The following FRMD4A variants were observed in gnomAD, a reference collection of about 807,000 sequenced individuals.
The protein encoded by FRMD4A is FERM domain containing 4A, also known as FERM domain-containing protein 4A.
FRMD4A carries 29 observed loss-of-function variants against 129.1 expected under a neutral mutation model. The ratio of observed to expected loss-of-function variants is 0.22; its 90% CI spans 0.17 to 0.31. The LOEUF (loss-of-function observed/expected upper bound fraction) is 0.31, where lower values mean the gene tolerates loss of function less well. FRMD4A is among the 10% of genes least tolerant of loss of function. The probability of loss-of-function intolerance (pLI) is 1.00; values close to 1 mark genes in which losing one functional copy is unlikely to be tolerated. For synonymous variants in FRMD4A, 634 were observed against 571.6 expected (o/e 1.11, Z -1.56); for missense variants, 1,272 against 1,375.8 (o/e 0.92, Z 1.19).
At chr10:14,027,734 G>A (rs1265248531) in intron 2 of FRMD4A, among the ~76,000 whole-genome samples, 1 of 152,254 alleles carries the variant, frequency 6.6e-6, no homozygotes, top group African/African-American at 2.4e-5. Flanking sequence ...GGCAGAGTGT[G>A]TGGTTCTTAC....
At chr10:13,743,184 G>T (rs2091105559) in intron 9 of FRMD4A, among the ~76,000 whole-genome samples, 1 of 152,062 alleles carries the variant, frequency 6.6e-6, no homozygotes, top group Non-Finnish European at 1.5e-5. Flanking sequence ...TCTCTCCTTG[G>T]CTCCCACATG....
intron 8 of FRMD4A, among the ~76,000 whole-genome samples, chr10:13,749,136 T>G (rs1199225467): frequency 3.3e-5 from 5 of 152,158 alleles, no homozygotes; most frequent in African/African-American, 4.8e-5. Flanking sequence ...GTTTTGATAC[T>G]GAAAGAGCGT....
At chr10:13,755,249 G>C (rs2091811385) in intron 8 of FRMD4A, among the ~76,000 whole-genome samples, 2 of 152,116 alleles carry the variant, frequency 1.3e-5, no homozygotes, top group Admixed American at 1.3e-4. Context: ...CTTCCCAAAA[G>C]GCACCCTCTG....
At chr10:13,695,974 G>T (rs1451071694) in intron 14 of FRMD4A, among the ~76,000 whole-genome samples, 1 of 152,228 alleles carries the variant, frequency 6.6e-6, no homozygotes, top group Non-Finnish European at 1.5e-5. Flanking sequence ...AAGTCTGCGG[G>T]CTGGAGGAAA....
intron 2 of FRMD4A, among the ~76,000 whole-genome samples, chr10:13,949,565 G>A (rs1337904383): frequency 6.6e-6 from 1 of 152,190 alleles, no homozygotes; most frequent in African/African-American, 2.4e-5. Flanking sequence ...TTTTGTTCTT[G>A]TAGCTCCACA....
chr10:14,279,171 G>A (rs1387987381), intron 2 of FRMD4A, among the ~76,000 whole-genome samples: 1 of 148,826 alleles, frequency 6.7e-6, no homozygotes, highest in Non-Finnish European at 1.5e-5. Context: ...TGCCCCTGAG[G>A]AGGAAGCGGG....
chr10:13,781,393 T>TC (rs1554894318), intron 6 of FRMD4A, among the ~76,000 whole-genome samples: 74 of 99,850 alleles, frequency 7.4e-4, no homozygotes, highest in African/African-American at 2.6e-3. Flanking sequence ...TTTTTTTTTT[T>TC]CTGAGACAGA....
intron 2 of FRMD4A, among the ~76,000 whole-genome samples, chr10:13,925,062 T>TAAAAAAAAAAAAAA (rs57484737): frequency 9.7e-6 from 1 of 103,236 alleles, no homozygotes; most frequent in African/African-American, 3.8e-5. Context: ...AGACTCCGTG[T>TAAAAAAAAAAAAAA]AAAAAAAAAA....
chr10:13,792,222 T>A (rs2093017693), intron 5 of FRMD4A, among the ~76,000 whole-genome samples: 1 of 152,234 alleles, frequency 6.6e-6, no homozygotes, highest in South Asian at 2.1e-4. Context: ...CTGAACACCA[T>A]CTTTGCAGGA....
intron 2 of FRMD4A, among the ~76,000 whole-genome samples, chr10:14,234,571 A>G (rs1330718004): frequency 6.6e-6 from 1 of 152,222 alleles, no homozygotes; most frequent in Non-Finnish European, 1.5e-5. Flanking sequence ...GGAATTCGGC[A>G]TTCTGAAGAC....
intron 2 of FRMD4A, among the ~76,000 whole-genome samples, chr10:14,000,734 T>G (rs564885781): frequency 1.1e-4 from 16 of 150,760 alleles, no homozygotes; most frequent in Non-Finnish European, 1.8e-4. Context: ...ATTTGCAATA[T>G]GGCAGATTGA....
intron 12 of FRMD4A, chr10:13,711,782 T>C (rs2088046895): frequency 6.6e-6 from 1 of 152,230 alleles, no homozygotes; most frequent in Non-Finnish European, 1.5e-5. Flanking sequence ...GTGGGAAATT[T>C]ACTTCTTGGG....
At chr10:14,202,030 C>G (rs768899634) in intron 2 of FRMD4A, among the ~76,000 whole-genome samples, 48 of 151,712 alleles carry the variant, frequency 3.2e-4, no homozygotes, top group Non-Finnish European at 6.3e-4. Flanking sequence ...CCCAGCTACT[C>G]GGGAGGCTGA....
Position 14,312,477 on chromosome 10 carries a change from C to T in FRMD4A, c.45+17581G>A, listed in dbSNP as rs533628377. ...AAATTTAAAATGATATACCTTTGAT[C>T]CAGCATCATCTATTTAGGAATCTAT... On this transcript the variant is annotated intron_variant, in intron 2 of 24. Coordinates refer to ENST00000357447, the MANE Select transcript of FRMD4A (RefSeq NM_018027.5). Among the ~76,000 whole-genome samples the T allele has an allele frequency of 2.9e-4, 44 of 152,218 alleles. 1 individual carries two copies. The highest frequency in any genetic ancestry group is 9.2e-4 in the African/African-American group (38 of 41,526).
intron 2 of FRMD4A, among the ~76,000 whole-genome samples, chr10:13,979,251 G>A (rs889411696): frequency 6.6e-5 from 10 of 152,186 alleles, no homozygotes; most frequent in African/African-American, 2.2e-4. Flanking sequence ...TCTGGGGCCT[G>A]GTGGGAGTGA....
chr10:13,708,423 T>A (rs2087690695), intron 12 of FRMD4A, among the ~76,000 whole-genome samples: 2 of 152,244 alleles, frequency 1.3e-5, no homozygotes, highest in Admixed American at 1.3e-4. Flanking sequence ...CATTCTTTTA[T>A]CCTCACAATC....
intron 2 of FRMD4A, among the ~76,000 whole-genome samples, chr10:14,149,633 G>C (rs1437704589): frequency 2.6e-5 from 4 of 152,152 alleles, no homozygotes; most frequent in Non-Finnish European, 4.4e-5. Context: ...GCCTCCCAAA[G>C]CACTGGAATT....
At chr10:14,257,640 T>C (rs1844663032) in intron 2 of FRMD4A, among the ~76,000 whole-genome samples, 1 of 152,200 alleles carries the variant, frequency 6.6e-6, no homozygotes, top group Non-Finnish European at 1.5e-5. Context: ...ATCCAATGAC[T>C]GGTGTCCTTA....
At chr10:14,047,765 C>T (rs1281380254) in intron 2 of FRMD4A, among the ~76,000 whole-genome samples, 1 of 152,178 alleles carries the variant, frequency 6.6e-6, no homozygotes. Context: ...GAATGGAACC[C>T]TTTGGGGTTT....
Sources: allele counts gnomAD v4.1 joint callset (sites outside exome capture counted in the v4.1 genomes callset), GRCh38; gene constraint gnomAD v4.1.1; transcripts MANE v1.5; gene names NCBI Gene and HGNC (gene_info 2026-07-23, HGNC 2026-07-21).